The following NRXN3 variants were observed in gnomAD, a reference collection of about 807,000 sequenced individuals.
The protein encoded by NRXN3 is neurexin 3.
Under a neutral mutation model 137.6 loss-of-function variants are expected in NRXN3, and 32 were observed. The ratio of observed to expected loss-of-function variants is 0.23; its 90% confidence interval spans 0.18 to 0.31. NRXN3 has a LOEUF of 0.31. NRXN3 is among the 10% of genes least tolerant of loss of function. The pLI is 1.00. For synonymous variants in NRXN3, 798 were observed against 784.5 expected, an observed-to-expected ratio of 1.02 and a Z score of -0.29; for missense variants, 1,574 against 2,062.5, an observed-to-expected ratio of 0.76 and a Z score of 4.59.
intron 16 of NRXN3, among the ~76,000 whole-genome samples, chr14:79,537,743 A>G (rs1389616393): frequency 3.3e-5 from 5 of 152,182 alleles, no homozygotes; most frequent in African/African-American, 1.2e-4. Flanking sequence ...ATAGTGCCGC[A>G]ATAAACATAT....
At chr14:78,884,035 A>G (rs146578712) in intron 10 of NRXN3, among the ~76,000 whole-genome samples, 225 of 152,276 alleles carry the variant, frequency 1.5e-3, no homozygotes, top group African/African-American at 4.6e-3. Flanking sequence ...TACTTTTTGT[A>G]TAATGCTAAT....
chr14:79,002,759 G>A (rs1045338567), intron 15 of NRXN3, among the ~76,000 whole-genome samples: 3 of 152,032 alleles, frequency 2.0e-5, no homozygotes, highest in Non-Finnish European at 4.4e-5. Flanking sequence ...GGGTCAAACG[G>A]TATTTCTGGT....
intron 4 of NRXN3, among the ~76,000 whole-genome samples, chr14:78,565,992 C>A (rs2096832541): frequency 6.6e-6 from 1 of 152,196 alleles, no homozygotes; most frequent in Non-Finnish European, 1.5e-5. Flanking sequence ...CAGATTCTAT[C>A]CCTTTAACAT....
chr14:78,427,272 C>G (rs1056338457), intron 4 of NRXN3, among the ~76,000 whole-genome samples: 4 of 152,260 alleles, frequency 2.6e-5, no homozygotes, highest in Non-Finnish European at 4.4e-5. Context: ...CTGTCTATTC[C>G]CTTGTGCGAG....
chr14:78,853,980 G>T (rs1023619428), intron 10 of NRXN3, among the ~76,000 whole-genome samples: 13 of 152,220 alleles, frequency 8.5e-5, no homozygotes, highest in Non-Finnish European at 1.6e-4. Context: ...CAGGCTGTGG[G>T]TAAGAGAGGT....
At chr14:79,666,865 A>G (rs1206281760) in intron 17 of NRXN3, among the ~76,000 whole-genome samples, 1 of 152,026 alleles carries the variant, frequency 6.6e-6, no homozygotes, top group Non-Finnish European at 1.5e-5. Flanking sequence ...TGCTCCCATG[A>G]AGCAGCTGAA....
chr14:79,788,656 A>G (rs56049429), intron 19 of NRXN3, among the ~76,000 whole-genome samples: 7,613 of 152,238 alleles, frequency 0.05, 213 homozygotes, highest in Middle Eastern at 0.061. Flanking sequence ...TCAAAACACA[A>G]AACTTTTCCC....
At chr14:79,165,580 CA>C (rs750936698) in intron 15 of NRXN3, among the ~76,000 whole-genome samples, 72 of 152,078 alleles carry the variant, frequency 4.7e-4, no homozygotes, top group Middle Eastern at 6.8e-3. Flanking sequence ...GCCTGTTTTG[CA>C]AACAGTCTTT....
At chr14:79,752,923 A>G (rs949480843) in intron 19 of NRXN3, among the ~76,000 whole-genome samples, 6 of 152,242 alleles carry the variant, frequency 3.9e-5, no homozygotes, top group African/African-American at 1.4e-4. Context: ...ATGAACAGAC[A>G]CTTCTCAAAA....
intron 15 of NRXN3, among the ~76,000 whole-genome samples, chr14:79,372,038 TAG>T (rs2094126635): frequency 6.6e-6 from 1 of 152,188 alleles, no homozygotes; most frequent in African/African-American, 2.4e-5. Context: ...TATGCTGATA[TAG>T]ATGGCCATTT....
At chr14:78,778,498 T>A (rs111571725) in intron 8 of NRXN3, among the ~76,000 whole-genome samples, 83 of 152,324 alleles carry the variant, frequency 5.4e-4, no homozygotes, top group African/African-American at 2.0e-3. Flanking sequence ...TTTTGAGGAA[T>A]CCTACTTTCT....
chr14:79,470,408 C>A (rs2096484802), intron 16 of NRXN3, among the ~76,000 whole-genome samples: 1 of 152,146 alleles, frequency 6.6e-6, no homozygotes, highest in Non-Finnish European at 1.5e-5. Context: ...GCGAGCACTG[C>A]ATCCTCAGGA....
At chr14:78,563,735 A>C (rs897641633) in intron 4 of NRXN3, among the ~76,000 whole-genome samples, 3 of 152,216 alleles carry the variant, frequency 2.0e-5, no homozygotes. Flanking sequence ...AGATGGGTAC[A>C]TAAGAGCAAA....
intron 15 of NRXN3, among the ~76,000 whole-genome samples, chr14:79,039,560 G>A (rs8016756): frequency 0.32 from 49,018 of 151,986 alleles, 8,465 homozygotes; most frequent in Admixed American, 0.47. Flanking sequence ...TTTCTGTTAT[G>A]TTTGAGAGAT....
intron 4 of NRXN3, among the ~76,000 whole-genome samples, chr14:78,462,973 A>G (rs2094967684): frequency 6.6e-6 from 1 of 152,124 alleles, no homozygotes; most frequent in Non-Finnish European, 1.5e-5. Context: ...TGTGCCCAGT[A>G]GGTAATTTTT....
intron 16 of NRXN3, among the ~76,000 whole-genome samples, chr14:79,539,256 A>T (rs938153802): frequency 6.6e-6 from 1 of 151,828 alleles, no homozygotes; most frequent in African/African-American, 2.4e-5. Flanking sequence ...TTGGTCTTGA[A>T]CTCCTGACCT....
At chr14:79,730,825 A>C (rs1190273755) in intron 19 of NRXN3, among the ~76,000 whole-genome samples, 1 of 152,208 alleles carries the variant, frequency 6.6e-6, no homozygotes, top group East Asian at 1.9e-4. Context: ...ATCATCCCCC[A>C]GTGAACAAAA....
chr14:78,345,772 C>T (rs2082661411), intron 4 of NRXN3, among the ~76,000 whole-genome samples: 1 of 152,194 alleles, frequency 6.6e-6, no homozygotes, highest in Non-Finnish European at 1.5e-5. Flanking sequence ...TTCCTGGTTA[C>T]ATCCAGGCAC....
chr14:79,160,180 T>C (rs1462786895), intron 15 of NRXN3, among the ~76,000 whole-genome samples: 3 of 151,962 alleles, frequency 2.0e-5, no homozygotes, highest in Non-Finnish European at 4.4e-5. Context: ...AGTTAGGTTG[T>C]AGCAGGAATT....
Sources: allele counts gnomAD v4.1 joint callset (sites outside exome capture counted in the v4.1 genomes callset), GRCh38; gene constraint gnomAD v4.1.1; transcripts MANE v1.5; gene names NCBI Gene and HGNC (gene_info 2026-07-23, HGNC 2026-07-21).